SLC9A7: variants seen among roughly 807,000 people sequenced by gnomAD.
SLC9A7 encodes the protein solute carrier family 9 member A7.
A neutral mutation model predicts 52.6 loss-of-function variants in SLC9A7; 19 were observed. The observed-to-expected ratio is 0.36, with a 90% CI of 0.25 to 0.53. The LOEUF (loss-of-function observed/expected upper bound fraction) is 0.53. Ranked by LOEUF, SLC9A7 falls within the 20% of genes least tolerant of loss-of-function variation. The pLI is 0.91. For missense variants in SLC9A7, 455 were observed against 597.9 expected (o/e 0.76, Z 2.49); for synonymous variants, 226 against 252.1 (o/e 0.90, Z 0.98).
chrX:46,651,989 G>C (rs927835074), intron 8 of SLC9A7, among the ~76,000 whole-genome samples: 5 of 110,218 alleles, frequency 4.5e-5, no homozygotes, highest in Non-Finnish European at 9.5e-5. Flanking sequence ...CCAGTTTTAA[G>C]GGTATCTCCT....
intron 1 of SLC9A7, among the ~76,000 whole-genome samples, chrX:46,755,435 G>A (rs1437896442): frequency 9.0e-6 from 1 of 110,944 alleles, no homozygotes; most frequent in Non-Finnish European, 1.9e-5. Context: ...AAGCTCCAAG[G>A]GCACAATTAA....
chrX:46,679,729 G>C lies in SLC9A7; in HGVS notation c.552C>G (p.Phe184Leu). 1 of 1,195,556 alleles carries C rather than the reference G, an allele frequency of 8.4e-7. No individual in the cohort carries two copies. Among genetic ancestry groups the C allele is most frequent in the Non-Finnish European group, 1.1e-6 (1 of 885,508 alleles). The change falls in exon 3 of 17, where the codon TTC becomes TTG. Residue 184 changes from phenylalanine to leucine, a missense_variant. By Grantham distance (22) the Phe-to-Leu change is conservative. Transcript: ENST00000616978. ...RKVTFDPEVF[F>L]NILLPPIIFH... ...AAATAATTGGAGGCAGAAGAATGTT[G>C]AAAAATACTTCTGGATCGAATGTTA...
chrX:46,724,410 G>A (rs1944911369), intron 1 of SLC9A7, among the ~76,000 whole-genome samples: 1 of 112,095 alleles, frequency 8.9e-6, no homozygotes, highest in Admixed American at 9.4e-5. Context: ...TTCTGGAGTG[G>A]AGTTATAGGC....
intron 1 of SLC9A7, among the ~76,000 whole-genome samples, chrX:46,751,465 C>T (rs782145051): frequency 9.0e-6 from 1 of 110,729 alleles, no homozygotes; most frequent in South Asian, 3.8e-4. Context: ...TAAACAGAGG[C>T]AATTTAAAAA....
chrX:46,706,961 G>A (rs182131566), intron 1 of SLC9A7, among the ~76,000 whole-genome samples: 2 of 110,597 alleles, frequency 1.8e-5, no homozygotes, highest in South Asian at 7.7e-4. Context: ...GGCTGGTCTC[G>A]AACTCCTGGC....
intron 1 of SLC9A7, among the ~76,000 whole-genome samples, chrX:46,743,239 A>G (rs1267419564): frequency 8.9e-6 from 1 of 112,138 alleles, no homozygotes; most frequent in Non-Finnish European, 1.9e-5. Context: ...ATGACCTCAT[A>G]TTCCAATAGG....
chrX:46,730,670 TTATATATATATATATATATATATA>T lies in SLC9A7; in HGVS notation c.325+28011_325+28034del, dbSNP rs57157177. ...GCGAGACTGTCTCAAAAAAAAAAAA[TTATATATATATATATATATATATA>T]TATATATATATATATAAAATGGATG... is the stretch of plus-strand genomic sequence containing the variant. On this transcript the variant is annotated intron_variant, in intron 1 of 16. Transcript: ENST00000616978. Among the ~76,000 whole-genome samples the T allele has an allele frequency of 6.5e-4, 28 of 42,917 alleles. 2 individuals carry two copies. Among genetic ancestry groups the T allele is most frequent in the Non-Finnish European group, 6.1e-4 (13 of 21,307 alleles). The allele number at this position is 42,917 out of a possible 115,157, so 37.3% of individuals were successfully genotyped here.
intron 1 of SLC9A7, 37 bp downstream of exon 1, chrX:46,758,668 G>C: frequency 1.0e-6 from 1 of 996,874 alleles, no homozygotes; most frequent in Non-Finnish European, 1.3e-6. Flanking sequence ...GGCGGCCGAG[G>C]GGTGTGGAGG....
At chrX:46,687,085 A>G (rs781709142) in intron 1 of SLC9A7, among the ~76,000 whole-genome samples, 31 of 112,494 alleles carry the variant, frequency 2.8e-4, no homozygotes, top group Non-Finnish European at 5.3e-4. Context: ...TAAAGAAACC[A>G]GCTCCCATTG....
intron 5 of SLC9A7, among the ~76,000 whole-genome samples, chrX:46,668,906 A>C (rs560518554): frequency 1.8e-5 from 2 of 111,609 alleles, no homozygotes; most frequent in African/African-American, 6.5e-5. Context: ...GGTGGCTCAC[A>C]CCTGTAATCC....
chrX:46,668,086 T>C (rs1329127975), intron 5 of SLC9A7, among the ~76,000 whole-genome samples: 2 of 112,308 alleles, frequency 1.8e-5, no homozygotes, highest in Non-Finnish European at 3.8e-5. Flanking sequence ...TGTGTGTTTC[T>C]ACTAAGAAAA....
chrX:46,625,870 C>T (rs1368489663), intron 14 of SLC9A7, among the ~76,000 whole-genome samples: 1 of 112,197 alleles, frequency 8.9e-6, no homozygotes, highest in African/African-American at 3.2e-5. Context: ...CCACATGGAA[C>T]TGAATTCTAC....
intron 5 of SLC9A7, among the ~76,000 whole-genome samples, chrX:46,663,527 A>G (rs1943863350): frequency 9.5e-6 from 1 of 104,800 alleles, no homozygotes; most frequent in African/African-American, 3.5e-5. Flanking sequence ...AATCCCAGCT[A>G]CTTGGGAGGC....
chrX:46,634,306 C>T (rs759498134), intron 13 of SLC9A7, among the ~76,000 whole-genome samples: 9 of 111,645 alleles, frequency 8.1e-5, no homozygotes, highest in African/African-American at 2.9e-4. Context: ...CTGATGTGCT[C>T]ATTCTGGAAT....
intron 7 of SLC9A7, among the ~76,000 whole-genome samples, chrX:46,658,794 A>G (rs1943754189): frequency 9.0e-6 from 1 of 110,964 alleles, no homozygotes; most frequent in African/African-American, 3.3e-5. Flanking sequence ...TACCAGAGGT[A>G]CAAGGAGGAA....
intron 1 of SLC9A7, among the ~76,000 whole-genome samples, chrX:46,687,832 TC>T (rs777363761): frequency 9.0e-6 from 1 of 110,825 alleles, no homozygotes; most frequent in African/African-American, 3.4e-5. Flanking sequence ...CCATCTGCAG[TC>T]ACTTCCTGCT....
intron 1 of SLC9A7, among the ~76,000 whole-genome samples, chrX:46,692,057 C>A (rs1362284038): frequency 1.8e-5 from 2 of 111,149 alleles, no homozygotes; most frequent in Non-Finnish European, 3.8e-5. Context: ...GATTGGTAAA[C>A]AGGCCAAAAA....
rs751808783 is a variant in SLC9A7 at position 46,719,114 on chromosome X, C to T, written c.326-36579G>A. Among the ~76,000 whole-genome samples the T allele has an allele frequency of 2.0e-4, 11 of 53,929 alleles. No individual in the cohort carries two copies. The South Asian group carries it at 7.6e-3, about 37-fold the overall frequency. The allele number at this position is 53,929 out of a possible 115,157, so 46.8% of individuals were successfully genotyped here. A position where few individuals can be genotyped will look rare whatever the true frequency, so the allele number is the denominator to read the frequency against. ...TATACACCATGGAACACTATGCAGC[C>T]ATAAAAAGGATGAGTTCCTATCCTT... is the stretch of plus-strand genomic sequence containing the variant. On this transcript the variant is annotated intron_variant, in intron 1 of 16. Coordinates refer to ENST00000616978, the MANE Select transcript of SLC9A7 (RefSeq NM_001257291.2).
rs781794454 is a variant in SLC9A7, at chrX:46,758,950, A to G, written c.80T>C (p.Leu27Pro). The change falls in exon 1 of 17, where the codon CTG (leucine) becomes CCG (proline). Residue 27 changes from leucine to proline, a missense_variant. Leu to Pro is a moderately conservative substitution (Grantham distance 98). Coordinates refer to ENST00000616978, the MANE Select transcript of SLC9A7 (RefSeq NM_001257291.2). ...APPPRLLLLPLLLGWGLRVAA... is the reference protein window; with the variant it reads ...APPPRLLLLPPLLGWGLRVAA... Reference sequence around the variant, plus strand: ...GACTCGCAGCCCCCAACCCAGCAGCAGCGGCAGCAGCAGCAGCCGCGGCGG... The same window carrying G: ...GACTCGCAGCCCCCAACCCAGCAGCGGCGGCAGCAGCAGCAGCCGCGGCGG... 7.4e-6 allele frequency: 8 copies of G among 1,078,555 alleles called. No individual in the cohort carries two copies. In the South Asian group the frequency reaches 2.0e-4, roughly 27 times the overall value. 88.9% of individuals were successfully genotyped at this position (1,078,555 alleles called of 1,213,427 possible). A position where few individuals can be genotyped will look rare whatever the true frequency, so the allele number is the denominator to read the frequency against.
Sources: gnomAD v4.1 joint callset for allele counts (sites outside exome capture counted in the v4.1 genomes callset) on GRCh38, gnomAD v4.1.1 for gene constraint, MANE v1.5 for transcripts, NCBI Gene and HGNC (gene_info 2026-07-23, HGNC 2026-07-21) for gene names.